The following SEC23A variants were observed in gnomAD, a reference collection of about 807,000 sequenced individuals.
SEC23A encodes SEC23 homolog A, COPII component.
Under a neutral mutation model 103.7 loss-of-function variants are expected in SEC23A, and 56 were observed. That is an observed-to-expected ratio of 0.54 (90% CI 0.44 to 0.67). SEC23A has a LOEUF of 0.67. Ranked by LOEUF, SEC23A falls within the 30% of genes least tolerant of loss-of-function variation. The pLI is 0.00. For missense variants in SEC23A, 784 were observed against 936.4 expected (o/e 0.84, Z 2.12); for synonymous variants, 281 against 293.0 (o/e 0.96, Z 0.42).
chr14:39,076,169 C>T (rs1887010659), intron 7 of SEC23A, 76 bp from the exon 8 acceptor site: 2 of 1,060,554 alleles, frequency 1.9e-6, no homozygotes, highest in African/African-American at 3.2e-5. Flanking sequence ...TTATATATTC[C>T]TTCTAAATAA....
At chr14:39,059,906 T>A (rs1327147995) in intron 13 of SEC23A, among the ~76,000 whole-genome samples, 1 of 152,208 alleles carries the variant, frequency 6.6e-6, no homozygotes, top group African/African-American at 2.4e-5. Flanking sequence ...TTGTCCATGA[T>A]CACACATTGG....
chr14:39,066,019 A>G (rs569926059), intron 10 of SEC23A, among the ~76,000 whole-genome samples: 1 of 133,236 alleles, frequency 7.5e-6, no homozygotes, highest in African/African-American at 2.8e-5. Context: ...AAAAAAAAAA[A>G]AAAAAAAAAA....
At chr14:39,034,483 A>G (rs1361786894) in intron 19 of SEC23A, among the ~76,000 whole-genome samples, 8 of 152,232 alleles carry the variant, frequency 5.3e-5, no homozygotes, top group African/African-American at 1.9e-4. Context: ...CTATATGCAT[A>G]GCTAACACAG....
chr14:39,094,387 CACACACACACAT>C (rs1191887449), intron 2 of SEC23A, among the ~76,000 whole-genome samples: 2 of 53,262 alleles, frequency 3.8e-5, no homozygotes, highest in African/African-American at 1.3e-4. Context: ...CACACACACA[CACACACACACAT>C]ATATATATAT....
intron 11 of SEC23A, chr14:39,064,605 A>G: frequency 3.6e-6 from 1 of 280,294 alleles, no homozygotes; most frequent in South Asian, 5.5e-5. Context: ...CAGAAAGAGC[A>G]ACCATGAATA....
rs371938921 is a variant in SEC23A, at chr14:39,055,178, C to T, written c.1624G>A (p.Val542Met). 5 of 1,614,084 alleles carry T rather than the reference C, an allele frequency of 3.1e-6. No homozygotes were observed. In the African/African-American group the frequency reaches 4.0e-5, roughly 13 times the overall value. The part of the protein sequence containing the change: ...YRAETEEGPD[V>M]LRWLDRQLIR... Reference sequence around the variant, plus strand: ...AGCTGTCTGTCCAGCCACCTAAGCACATCTGGACCTTCTTCTGTTTCTGCT... The same window carrying T: ...AGCTGTCTGTCCAGCCACCTAAGCATATCTGGACCTTCTTCTGTTTCTGCT... The change falls in exon 14 of 20, where the codon GTG becomes ATG. Residue 542 changes from valine (V) to methionine (M), a missense_variant. Transcript: ENST00000307712.
chr14:39,034,098 G>A (rs1885388395), intron 19 of SEC23A, among the ~76,000 whole-genome samples: 1 of 152,142 alleles, frequency 6.6e-6, no homozygotes, highest in Non-Finnish European at 1.5e-5. Context: ...AACCTCTCCT[G>A]AATAAAGGGA....
At chr14:39,065,639 C>T (rs1886633053) in intron 10 of SEC23A, among the ~76,000 whole-genome samples, 1 of 152,166 alleles carries the variant, frequency 6.6e-6, no homozygotes, top group Non-Finnish European at 1.5e-5. Flanking sequence ...AATGCTGATT[C>T]TCACCTCTAT....
At chr14:39,075,864 G>A in intron 8 of SEC23A, 71 bp downstream of exon 8, 2 of 1,307,236 alleles carry the variant, frequency 1.5e-6, no homozygotes, top group African/African-American at 1.4e-5. Context: ...AAAACTATTT[G>A]TATTCTTCTT....
chr14:39,052,978 T>C (rs148906373), intron 14 of SEC23A, among the ~76,000 whole-genome samples: 1,749 of 152,042 alleles, frequency 0.012, 16 homozygotes, highest in Non-Finnish European at 0.017. Context: ...CTACTAAAAA[T>C]ACAAAAAATT....
chr14:39,091,249 C>T (rs1887651074), intron 5 of SEC23A: 1 of 547,282 alleles, frequency 1.8e-6, no homozygotes, highest in Non-Finnish European at 3.2e-6. Context: ...GTTGGTTTGA[C>T]TTTAAATTTT....
In SEC23A at chr14:39,067,250, G is replaced by C. The variant is rs1177257994; in HGVS notation, c.1150C>G (p.Gln384Glu). 3.1e-6 allele frequency: 5 copies of C among 1,613,552 alleles called. No homozygotes were observed. The change falls in exon 10 of 20, where the codon CAA becomes GAA. Residue 384 changes from glutamine to glutamate, a missense_variant. This residue lies in a region of SEC23A where 683 missense variants were observed against 774.2 expected (regional missense o/e 0.88). Transcript: ENST00000307712. The stretch of plus-strand genomic sequence containing the variant: ...TTGGTAAAGACTCTTTGAAAAGTTT[G>C]TTTGAATAAGGAAGTATTGAAAGAA... ...GDSFNTSLFK[Q>E]TFQRVFTKDM...
chr14:39,048,550 T>A (rs965749842), intron 15 of SEC23A, 102 bp downstream of exon 15: 1 of 754,170 alleles, frequency 1.3e-6, no homozygotes, highest in Non-Finnish European at 2.3e-6. Flanking sequence ...CAGTGAGCTA[T>A]GATGGAGCCA....
chr14:39,067,387 CCAA>C, intron 9 of SEC23A, 91 bp from the exon 10 acceptor site: 1 of 1,398,216 alleles, frequency 7.2e-7, no homozygotes, highest in Non-Finnish European at 9.9e-7. Context: ...CTCAAAACTA[CCAA>C]TAAATTTTAA....
chr14:39,085,481 T>C (rs1169350473), intron 7 of SEC23A, among the ~76,000 whole-genome samples: 1 of 152,162 alleles, frequency 6.6e-6, no homozygotes, highest in East Asian at 1.9e-4. Flanking sequence ...CTTGTGGGAC[T>C]GAGCCCTCAA....
At chr14:39,070,293 AT>A (rs1886800977) in intron 9 of SEC23A, among the ~76,000 whole-genome samples, 2 of 152,362 alleles carry the variant, frequency 1.3e-5, no homozygotes, top group East Asian at 3.9e-4. Context: ...AAGTGTTGAC[AT>A]ATCTAATTGA....
rs1566493173 is a variant in SEC23A at position 39,061,809 on chromosome 14, A to ATGC, written c.1458_1460dup (p.Gln486dup). 1.2e-6 allele frequency: 2 copies of ATGC among 1,613,976 alleles called. No individual in the cohort carries two copies. Among genetic ancestry groups the ATGC allele is most frequent in the Non-Finnish European group, 1.7e-6 (2 of 1,179,828 alleles). ...CTCGGATGCGTCTCTGCCCACTTGA[A>ATGC]TGCTGATACTGAGTCACAAACTGGA... On this transcript the variant is annotated inframe_insertion, in exon 13 of 20. Coordinates refer to ENST00000307712, the MANE Select transcript of SEC23A (RefSeq NM_006364.4).
rs1456412859 is a variant in SEC23A, at chr14:39,092,601, A to G, written c.306T>C (p.Ser102=). The change falls in exon 4 of 20, where the codon TCT becomes TCC. Residue 102 remains serine, a synonymous_variant. Transcript: ENST00000307712. ...NQFPPSYAGI[S]ELNQPAELLP... is the part of the protein sequence containing the mutation. ...AAAGTTCAGCAGGCTGATTCAGTTC[A>G]GATATACCAGCATAACTAGGTGGAA... The G allele has an allele frequency of 3.7e-6, 6 of 1,610,824 alleles. No homozygotes were observed. The highest frequency in any genetic ancestry group is 5.1e-6 in the Non-Finnish European group (6 of 1,177,902).
intron 13 of SEC23A, 124 bp downstream of exon 13, chr14:39,061,641 A>T: frequency 1.4e-6 from 1 of 720,716 alleles, no homozygotes; most frequent in Non-Finnish European, 2.5e-6. Context: ...AAATAAATAA[A>T]ATACTATTAG....
Sources: allele counts gnomAD v4.1 joint callset (sites outside exome capture counted in the v4.1 genomes callset), GRCh38; gene constraint gnomAD v4.1.1; regional missense constraint gnomAD v4.1.1; transcripts MANE v1.5; gene names NCBI Gene and HGNC (gene_info 2026-07-23, HGNC 2026-07-21).